Variants in TBC1D19 observed in about 807,000 individuals in gnomAD.
TBC1D19 encodes TBC1 domain family member 19, also known as TBC1 domain family, member 19.
A neutral mutation model predicts 89.0 loss-of-function variants in TBC1D19; 60 were observed. The observed-to-expected ratio is 0.67, with a 90% CI of 0.55 to 0.84. TBC1D19 has a LOEUF of 0.84. TBC1D19 is among the 40% of genes least tolerant of loss of function. The pLI, the probability that TBC1D19 is intolerant of heterozygous loss-of-function variation, is 0.00. For synonymous variants in TBC1D19, 189 were observed against 199.7 expected (o/e 0.95, Z 0.45); for missense variants, 500 against 610.8 (o/e 0.82, Z 1.91).
the TBC1D19 span, among the ~76,000 whole-genome samples, chr4:26,819,344 C>T: frequency 6.6e-6 from 1 of 152,192 alleles, no homozygotes; most frequent in African/African-American, 2.4e-5. Flanking sequence ...TGTTCCTGTG[C>T]TCCTGGAGTC....
At chr4:26,592,537 G>A (rs1739889368) in intron 1 of TBC1D19, among the ~76,000 whole-genome samples, 1 of 152,146 alleles carries the variant, frequency 6.6e-6, no homozygotes, top group Non-Finnish European at 1.5e-5. Context: ...AGGAAAAGAG[G>A]AAATCAAATT....
At chr4:26,630,089 G>A (rs1452365393) in intron 4 of TBC1D19, among the ~76,000 whole-genome samples, 1 of 151,438 alleles carries the variant, frequency 6.6e-6, no homozygotes, top group East Asian at 1.9e-4. Context: ...TGGTTTAAAA[G>A]TCATTTTATT....
rs975201727 is a variant in TBC1D19 at position 26,616,135 on chromosome 4, A to G, written c.218+1682A>G. On this transcript the variant is annotated intron_variant, in intron 3 of 20. Coordinates refer to ENST00000264866, the MANE Select transcript of TBC1D19 (RefSeq NM_018317.4). ...ACAAATTAAGAAACAAGATAAAACA[A>G]AAAAGCAGATGGGAGATCAAAATTA... Among the ~76,000 whole-genome samples, 3 of 152,172 alleles carry G rather than the reference A, an allele frequency of 2.0e-5. No individual in the cohort carries two copies. In the South Asian group the frequency reaches 6.2e-4, roughly 32 times the overall value.
At chr4:26,738,015 T>C (rs1718143749) in intron 16 of TBC1D19, among the ~76,000 whole-genome samples, 1 of 151,944 alleles carries the variant, frequency 6.6e-6, no homozygotes, top group South Asian at 2.1e-4. Context: ...TAGTCTTTCA[T>C]TGGTTTAAAA....
intron 7 of TBC1D19, among the ~76,000 whole-genome samples, chr4:26,647,209 A>T (rs942335168): frequency 3.9e-5 from 6 of 152,178 alleles, no homozygotes; most frequent in African/African-American, 1.4e-4. Flanking sequence ...TAGGTTGTGT[A>T]ATTGGCTAGA....
the TBC1D19 span, chr4:26,857,651 C>G: frequency 1.3e-5 from 2 of 152,122 alleles, no homozygotes; most frequent in Non-Finnish European, 2.9e-5. Context: ...TGAGAACTCG[C>G]GCACCTGGGG....
intron 7 of TBC1D19, among the ~76,000 whole-genome samples, chr4:26,656,993 C>CTTCTTCTTCTTCTT (rs1491448641): frequency 2.4e-4 from 8 of 33,340 alleles, no homozygotes; most frequent in African/African-American, 3.8e-4. Context: ...TTCTTCTTCT[C>CTTCTTCTTCTTCTT]CTTCTCCTTC....
At chr4:26,708,666 T>G (rs183789613) in intron 13 of TBC1D19, among the ~76,000 whole-genome samples, 39 of 152,188 alleles carry the variant, frequency 2.6e-4, no homozygotes, top group African/African-American at 8.9e-4. Context: ...CAATTTTTTT[T>G]CCTTTCTGTT....
chr4:26,586,313 A>G (rs1739416012), intron 1 of TBC1D19, among the ~76,000 whole-genome samples: 2 of 151,048 alleles, frequency 1.3e-5, no homozygotes, highest in Non-Finnish European at 1.5e-5. Context: ...CTGGCTCTCT[A>G]TTTTGTTCCA....
At chr4:26,685,521 A>G (rs2109148159) in intron 12 of TBC1D19, among the ~76,000 whole-genome samples, 1 of 152,330 alleles carries the variant, frequency 6.6e-6, no homozygotes. Flanking sequence ...ACAAAGCAGA[A>G]AGTAGTTATG....
At chr4:26,786,212 G>A in the TBC1D19 span, among the ~76,000 whole-genome samples, 3 of 152,186 alleles carry the variant, frequency 2.0e-5, no homozygotes, top group African/African-American at 7.2e-5. Context: ...GGACGTGGCT[G>A]CCCATAAAAG....
At chr4:26,850,101 C>T in the TBC1D19 span, among the ~76,000 whole-genome samples, 1 of 151,974 alleles carries the variant, frequency 6.6e-6, no homozygotes, top group East Asian at 1.9e-4. Context: ...TATTGTGCCC[C>T]CTCCCAAATT....
the TBC1D19 span, among the ~76,000 whole-genome samples, chr4:26,795,054 G>C: frequency 6.6e-6 from 1 of 152,168 alleles, no homozygotes; most frequent in East Asian, 1.9e-4. Flanking sequence ...CCATGCCTCT[G>C]TTCAGAAACT....
At chr4:26,660,965 C>G (rs955110860) in intron 8 of TBC1D19, among the ~76,000 whole-genome samples, 1 of 152,138 alleles carries the variant, frequency 6.6e-6, no homozygotes, top group Non-Finnish European at 1.5e-5. Flanking sequence ...CTGACTGATG[C>G]AAGAAGCAAT....
At chr4:26,772,452 A>G in the TBC1D19 span, among the ~76,000 whole-genome samples, 1 of 149,514 alleles carries the variant, frequency 6.7e-6, no homozygotes, top group African/African-American at 2.5e-5. Flanking sequence ...GGTGGGGGGG[A>G]GCCATCTTTT....
At chr4:26,778,032 G>A in the TBC1D19 span, among the ~76,000 whole-genome samples, 1 of 150,492 alleles carries the variant, frequency 6.6e-6, no homozygotes, top group Non-Finnish European at 1.5e-5. Context: ...CTCAACCTGG[G>A]CAACAGAGCA....
chr4:26,681,904 T>A (rs752938997), intron 11 of TBC1D19, among the ~76,000 whole-genome samples: 1 of 152,166 alleles, frequency 6.6e-6, no homozygotes, highest in African/African-American at 2.4e-5. Context: ...TATGATTACA[T>A]AGTCATATAA....
intron 19 of TBC1D19, 152 bp downstream of exon 19, chr4:26,748,678 A>G (rs751036321): frequency 1.6e-6 from 1 of 613,194 alleles, no homozygotes; most frequent in African/African-American, 1.9e-5. Context: ...ATAAGTACGA[A>G]CAAAAACTGC....
the TBC1D19 span, among the ~76,000 whole-genome samples, chr4:26,772,535 A>G: frequency 1.3e-5 from 2 of 152,208 alleles, no homozygotes; most frequent in South Asian, 2.1e-4. Context: ...AACGTCTGCC[A>G]TGGTGGTTTG....
Sources: gnomAD v4.1 joint callset for allele counts (sites outside exome capture counted in the v4.1 genomes callset) on GRCh38, gnomAD v4.1.1 for gene constraint, MANE v1.5 for transcripts, NCBI Gene and HGNC (gene_info 2026-07-23, HGNC 2026-07-21) for gene names.